BRWD1: variants seen among roughly 807,000 people sequenced by gnomAD.
The protein encoded by BRWD1 is bromodomain and WD repeat-containing protein 1.
A neutral mutation model predicts 251.2 loss-of-function variants in BRWD1; 82 were observed. The observed-to-expected ratio is 0.33, with a 90% CI of 0.27 to 0.39. BRWD1 has a LOEUF of 0.39. Ranked by LOEUF, BRWD1 falls within the 10% of genes least tolerant of loss-of-function variation. BRWD1 has a pLI of 1.00. For missense variants in BRWD1, 2,233 were observed against 2,711.6 expected, an observed-to-expected ratio of 0.82 and a Z score of 3.92; for synonymous variants, 918 against 902.8, an observed-to-expected ratio of 1.02 and a Z score of -0.30.
At chr21:39,304,231 A>C (rs1050055171) in intron 4 of BRWD1, among the ~76,000 whole-genome samples, 3 of 150,916 alleles carry the variant, frequency 2.0e-5, no homozygotes. Context: ...ATACTTGATT[A>C]ATCAAAAAAA....
At chr21:39,241,498 A>AAAAAAAAAAAAAAAAAAAAAAAAG (rs2033996688) in intron 21 of BRWD1, among the ~76,000 whole-genome samples, 1 of 136,728 alleles carries the variant, frequency 7.3e-6, no homozygotes, top group Non-Finnish European at 1.5e-5. Flanking sequence ...AAAAAAAAAA[A>AAAAAAAAAAAAAAAAAAAAAAAAG]AAAAAAAAAA....
intron 4 of BRWD1, among the ~76,000 whole-genome samples, chr21:39,300,363 TA>T (rs2146768942): frequency 6.6e-6 from 1 of 152,210 alleles, no homozygotes; most frequent in Admixed American, 6.5e-5. Flanking sequence ...TGTAGCAACC[TA>T]AAAAGTTGGC....
chr21:39,275,483 C>A (rs1380785797), intron 12 of BRWD1, among the ~76,000 whole-genome samples: 1 of 152,122 alleles, frequency 6.6e-6, no homozygotes, highest in Non-Finnish European at 1.5e-5. Context: ...CTTCCCCCAA[C>A]CCCTGCCCTA....
At chr21:39,299,262 AT>A (rs1317255353) in intron 4 of BRWD1, among the ~76,000 whole-genome samples, 3 of 43,528 alleles carry the variant, frequency 6.9e-5, no homozygotes, top group African/African-American at 2.6e-4. Flanking sequence ...AAAAAAAAAT[AT>A]ATATATATGC....
Position 39,191,825 on chromosome 21 carries a change from CA to C in BRWD1, c.*4433del. ...TCTTCTCTTTGGCAGTCTAAAATCT[CA>C]TTTAAGGGCTTTAATAAATGAAAAA... On this transcript the variant is annotated 3_prime_UTR_variant, in exon 41 of 41. Coordinates refer to ENST00000342449, the MANE Select transcript of BRWD1 (RefSeq NM_033656.4). 4.1e-6 allele frequency: 4 copies of C among 985,126 alleles called. No individual in the cohort carries two copies. Among genetic ancestry groups the C allele is most frequent in the Non-Finnish European group, 4.8e-6 (4 of 829,710 alleles). The allele number at this position is 985,126 out of a possible 1,614,324, so 61.0% of individuals were successfully genotyped here. A position where few individuals can be genotyped will look rare whatever the true frequency, so the allele number is the denominator to read the frequency against.
At chr21:39,292,075 G>A (rs1343885615) in intron 8 of BRWD1, among the ~76,000 whole-genome samples, 7 of 139,208 alleles carry the variant, frequency 5.0e-5, no homozygotes, top group Admixed American at 7.9e-5. Flanking sequence ...CAGGAGTACC[G>A]AGACTACAGG....
intron 15 of BRWD1, among the ~76,000 whole-genome samples, chr21:39,266,058 A>G (rs1435167996): frequency 6.6e-6 from 1 of 152,174 alleles, no homozygotes; most frequent in Non-Finnish European, 1.5e-5. Flanking sequence ...TCCAGTAACT[A>G]AATGTTACGC....
At chr21:39,247,068 C>T (rs1212344752) in intron 21 of BRWD1, among the ~76,000 whole-genome samples, 1 of 149,584 alleles carries the variant, frequency 6.7e-6, no homozygotes, top group Non-Finnish European at 1.5e-5. Context: ...GACAACGAGA[C>T]TCCGTCTCAA....
intron 20 of BRWD1, among the ~76,000 whole-genome samples, chr21:39,248,137 A>G (rs1412867099): frequency 6.6e-6 from 1 of 152,204 alleles, no homozygotes; most frequent in African/African-American, 2.4e-5. Flanking sequence ...TTAAAAGTAT[A>G]CATCTCAGAA....
At chr21:39,278,518 A>T in intron 10 of BRWD1, 1 of 475,338 alleles carries the variant, frequency 2.1e-6, no homozygotes, top group South Asian at 4.2e-5. Flanking sequence ...CCTCCCTTTT[A>T]CCAGCCATCT....
intron 29 of BRWD1, among the ~76,000 whole-genome samples, chr21:39,221,252 T>G (rs370511129): frequency 1.3e-5 from 2 of 152,172 alleles, no homozygotes; most frequent in East Asian, 1.9e-4. Context: ...AAATCTTTTC[T>G]CATAATGTCT....
intron 13 of BRWD1, among the ~76,000 whole-genome samples, chr21:39,272,092 G>A (rs969961637): frequency 1.3e-5 from 2 of 150,600 alleles, no homozygotes; most frequent in Non-Finnish European, 3.0e-5. Context: ...ACAGAAGAGA[G>A]AATAATTCTA....
chr21:39,220,314 C>G (rs989648666), intron 29 of BRWD1, among the ~76,000 whole-genome samples: 6 of 152,220 alleles, frequency 3.9e-5, no homozygotes, highest in African/African-American at 1.4e-4. Flanking sequence ...GGCCAGCACC[C>G]ACGCCTGTTC....
At chr21:39,256,900 G>A (rs2034578697) in intron 18 of BRWD1, among the ~76,000 whole-genome samples, 1 of 152,300 alleles carries the variant, frequency 6.6e-6, no homozygotes, top group South Asian at 2.1e-4. Context: ...AATCACATGT[G>A]TACCAATGTG....
chr21:39,190,236 TTTA>T lies in BRWD1; in HGVS notation c.*6020_*6022del, dbSNP rs1356560632. The T allele has an allele frequency of 1.0e-4, 98 of 980,352 alleles. No individual in the cohort carries two copies. Among genetic ancestry groups the T allele is most frequent in the Middle Eastern group, 5.2e-4 (1 of 1,928 alleles). The allele number at this position is 980,352 out of a possible 1,614,324, so 60.7% of individuals were successfully genotyped here. A position where few individuals can be genotyped will look rare whatever the true frequency, so the allele number is the denominator to read the frequency against. ...TAATCATATTCTAATTAGACTTTTTTTTAATTTTTAAGCTACCTTATTTACAGA... is the reference window on the plus strand; with the variant it reads ...TAATCATATTCTAATTAGACTTTTTTATTTTTAAGCTACCTTATTTACAGA... On this transcript the variant is annotated 3_prime_UTR_variant, in exon 41 of 41. Coordinates refer to ENST00000342449, the MANE Select transcript of BRWD1 (RefSeq NM_033656.4).
upstream of BRWD1, chr21:39,314,525 G>C (rs939724188): frequency 5.6e-6 from 2 of 355,652 alleles, no homozygotes; most frequent in East Asian, 1.5e-4. Flanking sequence ...GAATCCTCTT[G>C]GAAGACTAGT....
At chr21:39,247,632 A>G (rs897640115) in intron 21 of BRWD1, 69 bp downstream of exon 21, 20 of 1,456,900 alleles carry the variant, frequency 1.4e-5, no homozygotes, top group Non-Finnish European at 1.8e-5. Flanking sequence ...GGGTATATTC[A>G]TTCAAAGTAA....
chr21:39,320,707 C>G (rs7279558), intron 1 of BRWD1, among the ~76,000 whole-genome samples: 87,806 of 140,572 alleles, frequency 0.62, 27,514 homozygotes, highest in African/African-American at 0.68. Context: ...ATCTTGCTCT[C>G]TTGCCCAGGC....
At chr21:39,284,580 C>T (rs1223634910) in intron 8 of BRWD1, among the ~76,000 whole-genome samples, 1 of 152,184 alleles carries the variant, frequency 6.6e-6, no homozygotes, top group Non-Finnish European at 1.5e-5. Flanking sequence ...ACATCCTTCC[C>T]AACATTTGTT....
Sources: allele counts gnomAD v4.1 joint callset (sites outside exome capture counted in the v4.1 genomes callset), GRCh38; gene constraint gnomAD v4.1.1; transcripts MANE v1.5; gene names NCBI Gene and HGNC (gene_info 2026-07-23, HGNC 2026-07-21).